ROR2: variants seen among roughly 807,000 people sequenced by gnomAD.
ROR2 encodes ROR family WNT receptor 2, also known as tyrosine-protein kinase transmembrane receptor ROR2.
A neutral mutation model predicts 74.9 loss-of-function variants in ROR2; 33 were observed. That is an observed-to-expected ratio of 0.44 (90% CI 0.33 to 0.59). ROR2 has a LOEUF of 0.59. Ranked by LOEUF, ROR2 falls within the 20% of genes least tolerant of loss-of-function variation. ROR2 has a pLI of 0.02. For synonymous variants in ROR2, 586 were observed against 558.7 expected, an observed-to-expected ratio of 1.05 and a Z score of -0.69; for missense variants, 1,216 against 1,313.8, an observed-to-expected ratio of 0.93 and a Z score of 1.15.
intron 2 of ROR2, among the ~76,000 whole-genome samples, chr9:91,762,441 GCCT>G (rs1341861254): frequency 6.6e-6 from 1 of 151,798 alleles, no homozygotes; most frequent in Non-Finnish European, 1.5e-5. Flanking sequence ...ATATCTTTTT[GCCT>G]AATTGTTTTT....
intron 1 of ROR2, among the ~76,000 whole-genome samples, chr9:91,827,162 CCCT>C (rs1254860810): frequency 6.6e-6 from 1 of 151,946 alleles, no homozygotes; most frequent in Admixed American, 6.6e-5. Context: ...TTATATTGCC[CCCT>C]AACTATATGC....
intron 7 of ROR2, among the ~76,000 whole-genome samples, chr9:91,727,514 C>A (rs1048108987): frequency 2.0e-5 from 3 of 152,006 alleles, no homozygotes; most frequent in African/African-American, 7.3e-5. Context: ...AGATTCTGAG[C>A]AGGACTCCAG....
intron 1 of ROR2, among the ~76,000 whole-genome samples, chr9:91,836,080 A>T (rs1361051765): frequency 2.6e-5 from 4 of 152,134 alleles, no homozygotes; most frequent in African/African-American, 4.8e-5. Flanking sequence ...CACCTATTTT[A>T]AAAACACACA....
intron 1 of ROR2, among the ~76,000 whole-genome samples, chr9:91,845,815 T>G (rs1240022924): frequency 7.6e-6 from 1 of 130,864 alleles, no homozygotes; most frequent in African/African-American, 3.0e-5. Flanking sequence ...GAGGTGGAGG[T>G]TGCAGTGAGC....
At chr9:91,780,107 C>G (rs1483053455) in intron 1 of ROR2, among the ~76,000 whole-genome samples, 2 of 152,188 alleles carry the variant, frequency 1.3e-5, no homozygotes, top group Non-Finnish European at 2.9e-5. Flanking sequence ...AATTATATAA[C>G]CAGGCCAGGC....
rs145750933 is a variant in ROR2 at position 91,906,543 on chromosome 9, C to A, written c.97+43324G>T. 3.1e-3 allele frequency among the ~76,000 whole-genome samples: 477 copies of A among 152,260 alleles called. 5 individuals carry two copies. The highest frequency in any genetic ancestry group is 0.011 in the African/African-American group (448 of 41,542). Reference sequence around the variant, plus strand: ...AGAGAATGCCCCTCAATTCTCTGACCTTCCAAGAGCCACCTCCACCATTCA... The same window carrying A: ...AGAGAATGCCCCTCAATTCTCTGACATTCCAAGAGCCACCTCCACCATTCA... On this transcript the variant is annotated intron_variant, in intron 1 of 8. Coordinates refer to ENST00000375708, the MANE Select transcript of ROR2 (RefSeq NM_004560.4).
intron 1 of ROR2, among the ~76,000 whole-genome samples, chr9:91,903,607 A>G (rs1830728013): frequency 6.6e-6 from 1 of 152,208 alleles, no homozygotes; most frequent in Admixed American, 6.5e-5. Context: ...GGAAGAACAA[A>G]GATTTTCTCC....
Position 91,949,913 on chromosome 9 carries a change from G to A in ROR2, c.51C>T (p.Ala17=), listed in dbSNP as rs886043361. 44 of 1,539,272 alleles carry A rather than the reference G, an allele frequency of 2.9e-5. No homozygotes were observed. The highest frequency in any genetic ancestry group is 3.7e-5 in the Non-Finnish European group (42 of 1,142,898). The change falls in exon 1 of 9, where the codon GCC becomes GCT. Residue 17 remains alanine (A), a synonymous_variant. Coordinates refer to ENST00000375708, the MANE Select transcript of ROR2 (RefSeq NM_004560.4). Reference sequence around the variant, plus strand: ...GCAGAAGCGCGGCGGCCGCCCAGACGGCCGGGATGCACAGCAGCGGCCGCC... The same window carrying A: ...GCAGAAGCGCGGCGGCCGCCCAGACAGCCGGGATGCACAGCAGCGGCCGCC... ...LPRRPLLCIP[A]VWAAAALLLS...
chr9:91,872,216 C>T (rs1052589062), intron 1 of ROR2, among the ~76,000 whole-genome samples: 5 of 152,174 alleles, frequency 3.3e-5, no homozygotes, highest in African/African-American at 1.2e-4. Flanking sequence ...AGACTCCTCA[C>T]TCTTGGTATG....
chr9:91,781,393 G>T (rs981808073), intron 1 of ROR2, among the ~76,000 whole-genome samples: 1 of 152,216 alleles, frequency 6.6e-6, no homozygotes, highest in Non-Finnish European at 1.5e-5. Flanking sequence ...ACTCAGCTCG[G>T]CAACACGTCA....
At chr9:91,765,450 G>C (rs192802027) in intron 2 of ROR2, among the ~76,000 whole-genome samples, 183 of 152,284 alleles carry the variant, frequency 1.2e-3, no homozygotes, top group African/African-American at 4.3e-3. Flanking sequence ...TTGTAAGGCT[G>C]GTTTTTCTGA....
intron 4 of ROR2, among the ~76,000 whole-genome samples, chr9:91,751,606 A>C (rs1056913273): frequency 1.3e-5 from 2 of 152,224 alleles, no homozygotes; most frequent in Non-Finnish European, 2.9e-5. Flanking sequence ...AATAGAAACT[A>C]GCAAATCCAG....
intron 1 of ROR2, among the ~76,000 whole-genome samples, chr9:91,929,639 C>T (rs1831499601): frequency 6.6e-6 from 1 of 152,182 alleles, no homozygotes; most frequent in Admixed American, 6.5e-5. Context: ...AACACCCATG[C>T]AGGTGGCTCC....
At chr9:91,816,336 C>T (rs1398714304) in intron 1 of ROR2, among the ~76,000 whole-genome samples, 1 of 152,124 alleles carries the variant, frequency 6.6e-6, no homozygotes, top group Non-Finnish European at 1.5e-5. Flanking sequence ...AAGGCGTTTC[C>T]ACCTACCTCA....
intron 1 of ROR2, among the ~76,000 whole-genome samples, chr9:91,925,106 C>T (rs945804951): frequency 6.6e-6 from 1 of 152,100 alleles, no homozygotes; most frequent in Non-Finnish European, 1.5e-5. Flanking sequence ...CCATCTTGGC[C>T]TCCCCCAAAG....
intron 1 of ROR2, among the ~76,000 whole-genome samples, chr9:91,933,211 G>A (rs1322306339): frequency 6.6e-6 from 1 of 152,146 alleles, no homozygotes; most frequent in Non-Finnish European, 1.5e-5. Context: ...AGCTACTCAG[G>A]ATGCTGAGGC....
rs764284541 is a variant in ROR2, at chr9:91,724,948, G to A, written c.1546C>T (p.Pro516Ser). ...TCATGCCGGAACTCCTCCCGCAGGG[G>A]CCCCTCCGCTTTGTCCTTCAGCGTT... ...IKTLKDKAEG[P>S]LREEFRHEAM... Residue 516 changes from proline to serine, a missense_variant, in exon 9 of 9, where the codon CCC becomes TCC. Pro to Ser is a moderately conservative substitution (Grantham distance 74, BLOSUM62 -1). Transcript: ENST00000375708. 1.9e-6 allele frequency: 3 copies of A among 1,613,282 alleles called. No individual in the cohort carries two copies. The South Asian group carries it at 3.3e-5, about 18-fold the overall frequency.
At chr9:91,855,644 G>A (rs760381143) in intron 1 of ROR2, among the ~76,000 whole-genome samples, 9 of 152,184 alleles carry the variant, frequency 5.9e-5, no homozygotes, top group East Asian at 1.9e-4. Context: ...TCTCCCCAGC[G>A]GGGAGCAGTG....
intron 1 of ROR2, among the ~76,000 whole-genome samples, chr9:91,811,336 G>A (rs1827745423): frequency 6.6e-6 from 1 of 152,258 alleles, no homozygotes; most frequent in South Asian, 2.1e-4. Context: ...TGTGTGGCCG[G>A]GGGTGCTCAT....
Sources: allele counts gnomAD v4.1 joint callset (sites outside exome capture counted in the v4.1 genomes callset), GRCh38; gene constraint gnomAD v4.1.1; transcripts MANE v1.5; gene names NCBI Gene and HGNC (gene_info 2026-07-23, HGNC 2026-07-21).